The following TRPM3 variants were observed in gnomAD, a reference collection of about 807,000 sequenced individuals.
TRPM3 encodes long transient receptor potential channel 3.
TRPM3 carries 77 observed loss-of-function variants against 181.2 expected under a neutral mutation model. That is an observed-to-expected ratio of 0.42 (90% CI 0.35 to 0.51). The LOEUF (loss-of-function observed/expected upper bound fraction) is 0.51, where lower values mean the gene tolerates loss of function less well. Ranked by LOEUF, TRPM3 falls within the 20% of genes least tolerant of loss-of-function variation. The pLI is 0.01. For synonymous variants in TRPM3, 745 were observed against 796.4 expected (o/e 0.94, Z 1.09); for missense variants, 1,759 against 2,196.7 (o/e 0.80, Z 3.98).
At chr9:70,892,467 T>C (rs2096220978) in intron 1 of TRPM3, among the ~76,000 whole-genome samples, 1 of 152,110 alleles carries the variant, frequency 6.6e-6, no homozygotes, top group Admixed American at 6.5e-5. Flanking sequence ...CTGTGCAACA[T>C]TTATTATCTT....
At chr9:71,235,879 T>C (rs1588081332) in intron 1 of TRPM3, among the ~76,000 whole-genome samples, 1 of 152,232 alleles carries the variant, frequency 6.6e-6, no homozygotes, top group East Asian at 1.9e-4. Flanking sequence ...CTATCCATGA[T>C]GGTAGAAAAT....
intron 22 of TRPM3, among the ~76,000 whole-genome samples, chr9:70,561,034 A>C (rs1299802417): frequency 6.6e-6 from 1 of 152,212 alleles, no homozygotes; most frequent in South Asian, 2.1e-4. Context: ...TATGGCAAAA[A>C]AGGATATTTC....
chr9:71,121,625 C>T (rs1222051667), upstream of TRPM3: 3 of 1,201,544 alleles, frequency 2.5e-6, no homozygotes, highest in East Asian at 1.2e-4. Context: ...CCAGAATGCG[C>T]GCTCCCTCTC....
chr9:70,554,564 A>T (rs1032337281), intron 22 of TRPM3, among the ~76,000 whole-genome samples: 1 of 152,170 alleles, frequency 6.6e-6, no homozygotes, highest in Non-Finnish European at 1.5e-5. Flanking sequence ...GCTCTAAAAA[A>T]TACCAATGCC....
At chr9:71,060,357 C>G (rs2061174490) in intron 1 of TRPM3, among the ~76,000 whole-genome samples, 1 of 152,088 alleles carries the variant, frequency 6.6e-6, no homozygotes. Context: ...TCCTTTGCAC[C>G]AGGCACTGTG....
intron 1 of TRPM3, among the ~76,000 whole-genome samples, chr9:71,133,312 G>A: frequency 1.7e-4 from 1 of 5,800 alleles, no homozygotes; most frequent in South Asian, 8.3e-3. Context: ...TTTTTTTTTT[G>A]AGACAGAGTT....
chr9:70,827,101 T>C (rs1355992781), intron 6 of TRPM3: 1 of 152,262 alleles, frequency 6.6e-6, no homozygotes, highest in African/African-American at 2.4e-5. Flanking sequence ...TATACATCTA[T>C]CTATATCTAA....
At chr9:70,683,877 G>T (rs2066113199) in intron 8 of TRPM3, among the ~76,000 whole-genome samples, 2 of 152,194 alleles carry the variant, frequency 1.3e-5, no homozygotes, top group Admixed American at 6.5e-5. Flanking sequence ...GAAAGAACCA[G>T]GGGACAGAGG....
chr9:71,061,718 A>C (rs2061355300), intron 1 of TRPM3, among the ~76,000 whole-genome samples: 1 of 152,086 alleles, frequency 6.6e-6, no homozygotes, highest in Non-Finnish European at 1.5e-5. Flanking sequence ...GCAATTAAGC[A>C]CATCCTGTGG....
intron 1 of TRPM3, among the ~76,000 whole-genome samples, chr9:71,301,499 A>T (rs2086774463): frequency 6.6e-6 from 1 of 152,204 alleles, no homozygotes; most frequent in African/African-American, 2.4e-5. Flanking sequence ...CCATATATAC[A>T]AGACTCAGAC....
chr9:71,066,659 C>G (rs893894106), intron 1 of TRPM3, among the ~76,000 whole-genome samples: 3 of 152,142 alleles, frequency 2.0e-5, no homozygotes, highest in African/African-American at 7.2e-5. Flanking sequence ...TTTGGCATAT[C>G]AAGATGTACA....
At chr9:71,413,409 T>G (rs1275438079) in intron 1 of TRPM3, among the ~76,000 whole-genome samples, 1 of 152,114 alleles carries the variant, frequency 6.6e-6, no homozygotes, top group Non-Finnish European at 1.5e-5. Flanking sequence ...ACTTTGTTAG[T>G]TGAAATTAAG....
rs1467997105 is a variant in TRPM3, at chr9:70,796,638, ACTT to A, written c.974-12362_974-12360del. Among the ~76,000 whole-genome samples the A allele has an allele frequency of 2.0e-5, 3 of 152,176 alleles. No homozygotes were observed. The East Asian group carries it at 5.8e-4, about 29-fold the overall frequency. On this transcript the variant is annotated intron_variant, in intron 6 of 25. Coordinates refer to ENST00000677713, the MANE Select transcript of TRPM3 (RefSeq NM_001366145.2). ...TCAACTATGATGGTATTAAAGAAAA[ACTT>A]CTTATAGTGCCTTACATATAGCTTT...
At position 71,319,938 on chromosome 9, in the gene TRPM3, T is replaced by C. The variant is rs75868841; in HGVS notation, c.183+126715A>G. On this transcript the variant is annotated intron_variant, in intron 1 of 24. Transcript: ENST00000357533. The stretch of plus-strand genomic sequence containing the variant: ...AAAATTCTAATATAAGAAGACTTTA[T>C]ATCTTTGTGCTTTGTTATTTTAAGG... 3.7e-3 allele frequency among the ~76,000 whole-genome samples: 558 copies of C among 152,298 alleles called. 3 individuals are homozygous for C. Among genetic ancestry groups the C allele is most frequent in the African/African-American group, 0.011 (454 of 41,582 alleles).
At chr9:70,934,152 G>A (rs1036167881) in intron 1 of TRPM3, among the ~76,000 whole-genome samples, 11 of 152,148 alleles carry the variant, frequency 7.2e-5, no homozygotes, top group African/African-American at 2.7e-4. Context: ...TATGATACAT[G>A]AATTAGGAAT....
intron 1 of TRPM3, among the ~76,000 whole-genome samples, chr9:71,180,134 A>G (rs897241314): frequency 2.1e-5 from 3 of 144,458 alleles, no homozygotes; most frequent in Non-Finnish European, 4.5e-5. Context: ...AGCTCACTGC[A>G]ACCTCCACAT....
intron 1 of TRPM3, among the ~76,000 whole-genome samples, chr9:71,045,037 G>C (rs1272694272): frequency 1.3e-5 from 2 of 151,924 alleles, no homozygotes; most frequent in Admixed American, 6.6e-5. Context: ...CTCCATCGAA[G>C]AGTCTCTAGG....
chr9:71,198,259 G>A (rs1370586922), intron 1 of TRPM3, among the ~76,000 whole-genome samples: 1 of 152,094 alleles, frequency 6.6e-6, no homozygotes, highest in Non-Finnish European at 1.5e-5. Context: ...GTACCATGCT[G>A]TTTTGGTTAC....
At chr9:71,353,355 G>C (rs112635441) in intron 1 of TRPM3, among the ~76,000 whole-genome samples, 2 of 152,182 alleles carry the variant, frequency 1.3e-5, no homozygotes, top group African/African-American at 4.8e-5. Flanking sequence ...AGTGACTGGC[G>C]GTTAGTACAC....
Sources: allele counts gnomAD v4.1 joint callset (sites outside exome capture counted in the v4.1 genomes callset), GRCh38; gene constraint gnomAD v4.1.1; transcripts MANE v1.5; gene names NCBI Gene and HGNC (gene_info 2026-07-23, HGNC 2026-07-21).